The following CD244 variants were observed in gnomAD, a reference collection of about 807,000 sequenced individuals.
The protein encoded by CD244 is CD244 molecule.
CD244 carries 20 observed loss-of-function variants against 45.5 expected under a neutral mutation model. The ratio of observed to expected loss-of-function variants is 0.44; its 90% CI spans 0.31 to 0.64. CD244 has a LOEUF of 0.64. CD244 is among the 30% of genes least tolerant of loss of function. The pLI is 0.08. For synonymous variants in CD244, 185 were observed against 160.5 expected (o/e 1.15, Z -1.15); for missense variants, 407 against 426.9 (o/e 0.95, Z 0.41).
At chr1:160,834,456 G>A (rs4656936) in intron 6 of CD244, among the ~76,000 whole-genome samples, 89,517 of 151,938 alleles carry the variant, frequency 0.59, 26,515 homozygotes, top group Middle Eastern at 0.7. Flanking sequence ...CCTGGGTTCA[G>A]GCAATTCTCC....
In CD244 at chr1:160,831,436, GA is replaced by G; in HGVS notation, c.1018-10del. ...GGTTGACTCTTTCCAATCTGCAAAA[GA>G]AAAGGAGAAACTTCAGACCCTTGCA... On this transcript the variant is annotated splice_polypyrimidine_tract_variant and intron_variant, in intron 8 of 8. Transcript: ENST00000368034. 6.2e-7 allele frequency: 1 copy of G among 1,607,210 alleles called. No individual in the cohort carries two copies. The highest frequency in any genetic ancestry group is 8.5e-7 in the Non-Finnish European group (1 of 1,173,754).
rs143117185 is a variant in CD244, at chr1:160,832,460, G to A, written c.1017+59C>T. ...CTTTTCCTAAGTGTACCCTTTCATGGCTAGATTTCAGGGCTATGCAACAGA... is the reference window on the plus strand; with the variant it reads ...CTTTTCCTAAGTGTACCCTTTCATGACTAGATTTCAGGGCTATGCAACAGA... On this transcript the variant is annotated intron_variant, in intron 8 of 8. Coordinates refer to ENST00000368034, the MANE Select transcript of CD244 (RefSeq NM_016382.4). 1.3e-4 allele frequency: 139 copies of A among 1,038,958 alleles called. 2 individuals carry two copies. The highest frequency in any genetic ancestry group is 6.3e-4 in the Middle Eastern group (2 of 3,180). The allele number at this position is 1,038,958 out of a possible 1,614,324, so 64.4% of individuals were successfully genotyped here. A position where few individuals can be genotyped will look rare whatever the true frequency, so the allele number is the denominator to read the frequency against.
intron 1 of CD244, among the ~76,000 whole-genome samples, chr1:160,849,294 T>G (rs968422136): frequency 7.9e-5 from 12 of 151,872 alleles, no homozygotes; most frequent in Non-Finnish European, 1.3e-4. Context: ...TTTTTTTTTT[T>G]TTTGTTTTAC....
In CD244 at chr1:160,831,347, C is replaced by A; in HGVS notation, c.1098G>T (p.Ter366TyrextTer22). ...AGAAAGGTGAGAATTGCTGCAGCAA[C>A]TAGGAATAAACATCAAAGTTCTCCA... ...KELENFDVYS[*>Y] The change falls in exon 9 of 9, where the codon TAG becomes TAT. Residue 366 changes from the stop codon to tyrosine, a stop_lost. Transcript: ENST00000368034. 6.2e-7 allele frequency: 1 copy of A among 1,612,600 alleles called. No homozygotes were observed. Among genetic ancestry groups the A allele is most frequent in the Non-Finnish European group, 8.5e-7 (1 of 1,178,600 alleles).
intron 5 of CD244, among the ~76,000 whole-genome samples, chr1:160,837,596 A>G (rs1323697905): frequency 2.0e-5 from 3 of 152,216 alleles, no homozygotes; most frequent in African/African-American, 7.2e-5. Context: ...GAGGCTGCAC[A>G]GGGCCTCACG....
chr1:160,846,229 A>G (rs1669732302), intron 1 of CD244, among the ~76,000 whole-genome samples: 5 of 152,002 alleles, frequency 3.3e-5, no homozygotes, highest in Admixed American at 3.3e-4. Context: ...CCAAGTCACC[A>G]AAGTCCACTG....
At chr1:160,859,262 C>G (rs1466087272) in intron 1 of CD244, among the ~76,000 whole-genome samples, 5 of 152,164 alleles carry the variant, frequency 3.3e-5, no homozygotes, top group African/African-American at 9.7e-5. Flanking sequence ...CAGCAGGCAA[C>G]ATGGCTGAAA....
intron 1 of CD244, among the ~76,000 whole-genome samples, chr1:160,845,788 G>A (rs1009071425): frequency 6.6e-6 from 1 of 151,692 alleles, no homozygotes; most frequent in Non-Finnish European, 1.5e-5. Flanking sequence ...TCCAGGAGGT[G>A]GAGGTTGCAG....
chr1:160,844,759 A>G (rs2101877775), intron 1 of CD244, among the ~76,000 whole-genome samples: 1 of 152,190 alleles, frequency 6.6e-6, no homozygotes, highest in Non-Finnish European at 1.5e-5. Flanking sequence ...CAGATCACTC[A>G]AGGTCGGGAG....
chr1:160,835,891 G>A (rs1421384437), intron 6 of CD244, among the ~76,000 whole-genome samples: 2 of 152,298 alleles, frequency 1.3e-5, no homozygotes, highest in East Asian at 3.9e-4. Context: ...CAGCAGCAGG[G>A]CAAGAAAGCA....
intron 3 of CD244, among the ~76,000 whole-genome samples, chr1:160,840,303 C>T (rs1669490390): frequency 6.6e-6 from 1 of 151,888 alleles, no homozygotes; most frequent in South Asian, 2.1e-4. Context: ...ATGATGAAGC[C>T]AGTGTCCTAG....
At chr1:160,857,432 C>A (rs1221056742) in intron 1 of CD244, among the ~76,000 whole-genome samples, 1 of 152,168 alleles carries the variant, frequency 6.6e-6, no homozygotes, top group Admixed American at 6.5e-5. Flanking sequence ...ATGATATAGT[C>A]ATGCGATAAA....
Position 160,841,915 on chromosome 1 carries a change from C to A in CD244, c.62-14G>T. 6.2e-7 allele frequency: 1 copy of A among 1,611,540 alleles called. No individual in the cohort carries two copies. Among genetic ancestry groups the A allele is most frequent in the Non-Finnish European group, 8.5e-7 (1 of 1,178,368 alleles). ...ATCCCTGGCATCCTAGGAAAGAGAA[C>A]CCAAGCTGAAAGTAGCGGGAAGAGT... On this transcript the variant is annotated splice_polypyrimidine_tract_variant and intron_variant, in intron 1 of 8. Coordinates refer to ENST00000368034, the MANE Select transcript of CD244 (RefSeq NM_016382.4).
chr1:160,836,356 G>A lies in CD244; in HGVS notation c.835-102C>T. 5 of 838,334 alleles carry A rather than the reference G, an allele frequency of 6.0e-6. No homozygotes were observed. The South Asian group carries it at 7.1e-5, about 12-fold the overall frequency. The allele number at this position is 838,334 out of a possible 1,614,324, so 51.9% of individuals were successfully genotyped here. ...GCACAAAGAAGAGGGCTTTTCAGGA[G>A]ACTGGGAGGGAGGTGGCAGGACTGG... On this transcript the variant is annotated intron_variant, in intron 5 of 8. Coordinates refer to ENST00000368034, the MANE Select transcript of CD244 (RefSeq NM_016382.4).
Position 160,832,517 on chromosome 1 carries a change from A to G in CD244, c.1017+2T>C, listed in dbSNP as rs1454351898. On this transcript the variant is annotated splice_donor_variant, in intron 8 of 8. Coordinates refer to ENST00000368034, the MANE Select transcript of CD244 (RefSeq NM_016382.4). LOFTEE classifies it high-confidence loss of function. ...ACCCATTGAGGAGTTCCAGAATCTT[A>G]CCACTTCATAGATAGTGCTATTGAA... 6.3e-7 allele frequency: 1 copy of G among 1,586,862 alleles called. No individual in the cohort carries two copies.
chr1:160,837,183 G>A (rs1669363644), intron 5 of CD244, among the ~76,000 whole-genome samples: 1 of 152,206 alleles, frequency 6.6e-6, no homozygotes, highest in East Asian at 1.9e-4. Context: ...AGGCCAGGCA[G>A]GGAGGAGCTC....
At chr1:160,835,742 T>C (rs1337219666) in intron 6 of CD244, among the ~76,000 whole-genome samples, 1 of 152,154 alleles carries the variant, frequency 6.6e-6, no homozygotes, top group Non-Finnish European at 1.5e-5. Context: ...AACAATAAAA[T>C]TGTTTTAAAA....
intron 6 of CD244, 120 bp from the exon 7 acceptor site, chr1:160,834,236 A>G (rs1344328119): frequency 1.3e-6 from 1 of 742,490 alleles, no homozygotes; most frequent in African/African-American, 1.7e-5. Flanking sequence ...GTGTTAGTGA[A>G]AAGAGCCCTG....
Position 160,838,503 on chromosome 1 carries a change from T to G in CD244, c.782A>C (p.Glu261Ala). Residue 261 changes from glutamate to alanine, a missense_variant, in exon 5 of 9, where the codon GAA (glutamate) becomes GCA (alanine). Physicochemically the swap from Glu to Ala is moderately radical, Grantham distance 107 (BLOSUM62 -1). Coordinates refer to ENST00000368034, the MANE Select transcript of CD244 (RefSeq NM_016382.4). ...KEKQSETSPK[E>A]FLTIYEDVKD... is the part of the protein sequence containing the mutation. The stretch of plus-strand genomic sequence containing the variant: ...GACATCTTCGTAAATTGTCAAAAAT[T>G]CCTTGGGACTGGTCTCTGAGGGAGG... 1.2e-6 allele frequency: 2 copies of G among 1,613,048 alleles called. No homozygotes were observed. The highest frequency in any genetic ancestry group is 1.1e-5 in the South Asian group (1 of 91,060).
Sources: gnomAD v4.1 joint callset for allele counts (sites outside exome capture counted in the v4.1 genomes callset) on GRCh38, gnomAD v4.1.1 for gene constraint, MANE v1.5 for transcripts, NCBI Gene and HGNC (gene_info 2026-07-23, HGNC 2026-07-21) for gene names.